TMEM87B: variants seen among roughly 807,000 people sequenced by gnomAD.
TMEM87B encodes the protein transmembrane protein 87B.
A neutral mutation model predicts 80.3 loss-of-function variants in TMEM87B; 83 were observed. That is an observed-to-expected ratio of 1.03 (90% CI 0.87 to 1.24). TMEM87B has a LOEUF of 1.24. Among genes scored for constraint, TMEM87B ranks in the 50% most tolerant of loss-of-function variants. TMEM87B has a pLI of 0.00. For missense variants in TMEM87B, 625 were observed against 674.4 expected (o/e 0.93, Z 0.81); for synonymous variants, 219 against 230.5 (o/e 0.95, Z 0.45).
intron 4 of TMEM87B, among the ~76,000 whole-genome samples, chr2:112,067,339 G>A (rs1678466878): frequency 6.6e-6 from 1 of 152,204 alleles, no homozygotes; most frequent in Non-Finnish European, 1.5e-5. Flanking sequence ...TGGGCGCGGT[G>A]GCTCACACCT....
intron 15 of TMEM87B, among the ~76,000 whole-genome samples, chr2:112,102,157 A>G (rs1293262465): frequency 1.3e-5 from 2 of 152,238 alleles, no homozygotes; most frequent in African/African-American, 4.8e-5. Context: ...TTAAAAGGCC[A>G]GTACAATTGA....
chr2:112,111,990 T>G (rs942546786), intron 17 of TMEM87B, among the ~76,000 whole-genome samples: 2 of 152,186 alleles, frequency 1.3e-5, no homozygotes, highest in Non-Finnish European at 2.9e-5. Flanking sequence ...TCACCTTTCC[T>G]CTAACGCCGT....
intron 9 of TMEM87B, among the ~76,000 whole-genome samples, chr2:112,087,500 C>T (rs1276534015): frequency 1.3e-5 from 2 of 152,026 alleles, no homozygotes; most frequent in East Asian, 3.9e-4. Context: ...GCCCCCAGAC[C>T]CTGTCATTTC....
At chr2:112,091,628 A>T (rs2104487454) in intron 10 of TMEM87B, 84 bp from the exon 11 acceptor site, 1 of 934,788 alleles carries the variant, frequency 1.1e-6, no homozygotes, top group East Asian at 2.4e-5. Flanking sequence ...GATAAGCTAA[A>T]TTATTTTTCT....
chr2:112,096,415 C>CT lies in TMEM87B; in HGVS notation c.1105-625dup, dbSNP rs1212892054. On this transcript the variant is annotated intron_variant, in intron 11 of 18. Transcript: ENST00000283206. ...TGCTGTGCTCTATAAAAGAAAAACC[C>CT]TTTTCTGCCTGACCTCTGAGACTCT... Among the ~76,000 whole-genome samples, 4 of 152,276 alleles carry CT rather than the reference C, an allele frequency of 2.6e-5. No individual in the cohort carries two copies. In the East Asian group the frequency reaches 7.7e-4, roughly 29 times the overall value.
chr2:112,077,243 A>G lies in TMEM87B; in HGVS notation c.553A>G (p.Ile185Val), dbSNP rs764859334. 15 of 1,597,742 alleles carry G rather than the reference A, an allele frequency of 9.4e-6. No individual in the cohort carries two copies. Among genetic ancestry groups the G allele is most frequent in the Admixed American group, 1.8e-5 (1 of 57,036 alleles). Reference sequence around the variant, plus strand: ...TGGGTTTCATATCTTTATTGTTTCTATTAAAACGGAGAATACAGATGCAAG... The same window carrying G: ...TGGGTTTCATATCTTTATTGTTTCTGTTAAAACGGAGAATACAGATGCAAG... ...KDGFHIFIVSIKTENTDASWN... is the reference protein window; with the variant it reads ...KDGFHIFIVSVKTENTDASWN... The change falls in exon 6 of 19, where the codon ATT (isoleucine) becomes GTT (valine). Residue 185 changes from isoleucine to valine, a missense_variant. Ile to Val is a conservative substitution (Grantham distance 29). Coordinates refer to ENST00000283206, the MANE Select transcript of TMEM87B (RefSeq NM_032824.3).
In TMEM87B at chr2:112,055,652, G is replaced by A. The variant is rs1678022638; in HGVS notation, c.61G>A (p.Ala21Thr). The A allele has an allele frequency of 1.3e-6, 2 of 1,569,584 alleles. No homozygotes were observed. The highest frequency in any genetic ancestry group is 8.6e-7 in the Non-Finnish European group (1 of 1,160,780). ...LLPRRRRCFPARAPLLRVALC... is the reference protein window; with the variant it reads ...LLPRRRRCFPTRAPLLRVALC... ...GCCACGCCGCCGCCGCTGCTTTCCC[G>A]CCCGGGCCCCGCTGCTGCGCGTCGC... Residue 21 changes from alanine (A) to threonine (T), a missense_variant, in exon 1 of 19, where the codon GCC becomes ACC. Transcript: ENST00000283206.
Position 112,089,689 on chromosome 2 carries a change from G to C in TMEM87B, c.1003G>C (p.Ala335Pro), listed in dbSNP as rs774393619. The C allele has an allele frequency of 8.7e-6, 14 of 1,614,020 alleles. No homozygotes were observed. The highest frequency in any genetic ancestry group is 8.5e-7 in the Non-Finnish European group (1 of 1,179,998). ...GGGGCTTCTATACTTAATCTTTGCA[G>C]CTGTTGAAGGCGTGATGAGAGTCAT... ...GLGLLYLIFAAVEGVMRVIGG... is the reference protein window; with the variant it reads ...GLGLLYLIFAPVEGVMRVIGG... The change falls in exon 10 of 19, where the codon GCT becomes CCT. Residue 335 changes from alanine to proline, a missense_variant. Ala to Pro is a conservative substitution (Grantham distance 27). Transcript: ENST00000283206.
intron 16 of TMEM87B, among the ~76,000 whole-genome samples, chr2:112,107,583 T>C (rs1044638834): frequency 2.1e-4 from 32 of 152,158 alleles, no homozygotes; most frequent in Non-Finnish European, 1.0e-4. Context: ...CCAAGAAGTG[T>C]AGAAATCTGA....
intron 14 of TMEM87B, among the ~76,000 whole-genome samples, chr2:112,100,085 G>A (rs1238458059): frequency 6.6e-6 from 1 of 152,052 alleles, no homozygotes; most frequent in African/African-American, 2.4e-5. Flanking sequence ...AATGCTGTTG[G>A]ACATCATCTT....
chr2:112,098,671 TG>T lies in TMEM87B; in HGVS notation c.1350del (p.Leu450PhefsTer16). 1 of 1,614,158 alleles carries T rather than the reference TG, an allele frequency of 6.2e-7. No homozygotes were observed. The highest frequency in any genetic ancestry group is 8.5e-7 in the Non-Finnish European group (1 of 1,180,030). ...CTTATCCTTATTGTAATCATGTTTT[TG>T]TGGAGACCATCAGCAAACAATCAGA... ...FSLILIVIMFLWRPSANNQRY... is the reference protein window; with the variant it reads ...FSLILIVIMFXWRPSANNQRY... On this transcript the variant is annotated frameshift_variant, in exon 14 of 19. Transcript: ENST00000283206. LOFTEE classifies it high-confidence loss of function.
intron 8 of TMEM87B, 110 bp downstream of exon 8, chr2:112,081,628 TTATAGA>T: frequency 4.1e-6 from 4 of 965,870 alleles, no homozygotes; most frequent in Non-Finnish European, 5.9e-6. Flanking sequence ...AACAGATATA[TTATAGA>T]TGAAGAGAAG....
At chr2:112,057,143 C>T (rs1307154745) in intron 1 of TMEM87B, among the ~76,000 whole-genome samples, 3 of 152,134 alleles carry the variant, frequency 2.0e-5, no homozygotes, top group Non-Finnish European at 2.9e-5. Context: ...GACCCTGGGC[C>T]GCCAGAAGTC....
chr2:112,080,059 A>G (rs1175952843), intron 6 of TMEM87B, among the ~76,000 whole-genome samples: 3 of 148,154 alleles, frequency 2.0e-5, no homozygotes, highest in African/African-American at 5.0e-5. Context: ...CTTCCCAAGT[A>G]GCTGGGATTA....
rs1221567422 is a variant in TMEM87B at position 112,091,754 on chromosome 2, G to A, written c.1075G>A (p.Ala359Thr). The stretch of plus-strand genomic sequence containing the variant: ...TGTTGTTCTTGATGACATTATTTTA[G>A]CAGTTATTGACTCCATTTTTGTGTG... ...LAVVLDDIIL[A>T]VIDSIFVWFI... is the part of the protein sequence containing the mutation. Residue 359 changes from alanine to threonine, a missense_variant, in exon 11 of 19, where the codon GCA (alanine) becomes ACA (threonine). Physicochemically the swap from Ala to Thr is moderately conservative, Grantham distance 58 (BLOSUM62 0). Coordinates refer to ENST00000283206, the MANE Select transcript of TMEM87B (RefSeq NM_032824.3). The A allele has an allele frequency of 5.0e-6, 8 of 1,613,256 alleles. No homozygotes were observed. Among genetic ancestry groups the A allele is most frequent in the Non-Finnish European group, 6.8e-6 (8 of 1,179,576 alleles).
intron 2 of TMEM87B, among the ~76,000 whole-genome samples, chr2:112,061,752 CGTT>C (rs1158090215): frequency 2.6e-5 from 4 of 152,130 alleles, no homozygotes; most frequent in Non-Finnish European, 4.4e-5. Context: ...ACAATCAAGA[CGTT>C]GTTATTAACT....
At chr2:112,097,405 T>A (rs1679503002) in intron 13 of TMEM87B, 114 bp downstream of exon 13, 1 of 994,710 alleles carries the variant, frequency 1.0e-6, no homozygotes, top group Admixed American at 2.9e-5. Context: ...GATTTATGTT[T>A]TTACTTTGAA....
intron 6 of TMEM87B, among the ~76,000 whole-genome samples, chr2:112,080,361 G>C (rs1241737913): frequency 2.0e-5 from 3 of 152,050 alleles, no homozygotes; most frequent in African/African-American, 4.8e-5. Flanking sequence ...CTGGGTTCAC[G>C]CCATTCTCCT....
At chr2:112,100,783 A>G in intron 15 of TMEM87B, 88 bp downstream of exon 15, 1 of 753,494 alleles carries the variant, frequency 1.3e-6, no homozygotes, top group Non-Finnish European at 2.1e-6. Context: ...GGTCACATAT[A>G]TTGTTTTTTT....
Sources: allele counts gnomAD v4.1 joint callset (sites outside exome capture counted in the v4.1 genomes callset), GRCh38; gene constraint gnomAD v4.1.1; transcripts MANE v1.5; gene names NCBI Gene and HGNC (gene_info 2026-07-23, HGNC 2026-07-21).